KATNIP: variants seen among roughly 807,000 people sequenced by gnomAD.
KATNIP encodes the protein katanin interacting protein.
Under a neutral mutation model 174.0 loss-of-function variants are expected in KATNIP, and 126 were observed. The observed-to-expected ratio is 0.72, with a 90% CI of 0.63 to 0.84. The LOEUF (loss-of-function observed/expected upper bound fraction) is 0.84. Among genes scored for constraint, KATNIP ranks in the 40% least tolerant of loss-of-function variants. KATNIP has a pLI of 0.00. For synonymous variants in KATNIP, 810 were observed against 835.7 expected, an observed-to-expected ratio of 0.97 and a Z score of 0.53; for missense variants, 1,958 against 2,109.7, an observed-to-expected ratio of 0.93 and a Z score of 1.41.
At chr16:27,693,200 T>C (rs778251399) in intron 8 of KATNIP, among the ~76,000 whole-genome samples, 2 of 152,180 alleles carry the variant, frequency 1.3e-5, no homozygotes, top group Non-Finnish European at 2.9e-5. Context: ...ATGTTTGCTT[T>C]ACTTTCTCAT....
chr16:27,552,842 G>A (rs915032596), intron 1 of KATNIP, among the ~76,000 whole-genome samples: 5 of 152,050 alleles, frequency 3.3e-5, no homozygotes, highest in South Asian at 2.1e-4. Context: ...TTACAGGCAT[G>A]TGCCACCACG....
intron 2 of KATNIP, among the ~76,000 whole-genome samples, chr16:27,598,394 G>A (rs1056531211): frequency 2.6e-5 from 4 of 152,106 alleles, no homozygotes; most frequent in Non-Finnish European, 4.4e-5. Flanking sequence ...TTCTTCCCGG[G>A]CAGCTGGTTG....
chr16:27,769,428 G>A (rs1345595339), intron 20 of KATNIP, among the ~76,000 whole-genome samples: 1 of 152,214 alleles, frequency 6.6e-6, no homozygotes, highest in Non-Finnish European at 1.5e-5. Context: ...TCTGTTTAGG[G>A]CACTTTACGT....
chr16:27,698,907 T>C (rs1246656199), intron 9 of KATNIP, among the ~76,000 whole-genome samples: 1 of 152,188 alleles, frequency 6.6e-6, no homozygotes, highest in Non-Finnish European at 1.5e-5. Flanking sequence ...CTGCTCCCTA[T>C]TGTCCTGCCC....
intron 19 of KATNIP, among the ~76,000 whole-genome samples, chr16:27,762,461 T>C (rs538186322): frequency 6.6e-6 from 1 of 152,248 alleles, no homozygotes; most frequent in South Asian, 2.1e-4. Flanking sequence ...TATACCGATG[T>C]GGAGACTGAA....
chr16:27,769,815 A>G (rs775157160), intron 20 of KATNIP, 46 bp from the exon 21 acceptor site: 97 of 1,601,948 alleles, frequency 6.1e-5, no homozygotes, highest in Non-Finnish European at 7.9e-5. Flanking sequence ...TTCTGTCCCC[A>G]CATGGCCTGC....
At chr16:27,588,827 T>C (rs2091000535) in intron 2 of KATNIP, among the ~76,000 whole-genome samples, 1 of 151,932 alleles carries the variant, frequency 6.6e-6, no homozygotes, top group Non-Finnish European at 1.5e-5. Context: ...ACTGCTGTTA[T>C]ACATTGGATG....
At chr16:27,663,892 C>T (rs1460768187) in intron 6 of KATNIP, among the ~76,000 whole-genome samples, 1 of 151,984 alleles carries the variant, frequency 6.6e-6, no homozygotes, top group African/African-American at 2.4e-5. Context: ...GTCACTGCAG[C>T]CTCAATCTTC....
intron 2 of KATNIP, among the ~76,000 whole-genome samples, chr16:27,575,221 A>G (rs2157989): frequency 0.011 from 1,713 of 152,330 alleles, 44 homozygotes; most frequent in African/African-American, 0.038. Context: ...AGAAAAGGTG[A>G]TGTGCAGGCT....
intron 5 of KATNIP, among the ~76,000 whole-genome samples, chr16:27,634,178 C>T (rs2076569918): frequency 6.6e-6 from 1 of 152,188 alleles, no homozygotes; most frequent in Admixed American, 6.5e-5. Context: ...GCATCCTCCT[C>T]AGTCTCTCCT....
At chr16:27,663,441 T>G (rs368121107) in intron 6 of KATNIP, among the ~76,000 whole-genome samples, 11 of 151,714 alleles carry the variant, frequency 7.3e-5, no homozygotes, top group African/African-American at 2.4e-4. Flanking sequence ...TATTTGTTTA[T>G]TTATTTATTT....
At chr16:27,655,018 A>G (rs2077222736) in intron 6 of KATNIP, among the ~76,000 whole-genome samples, 1 of 151,468 alleles carries the variant, frequency 6.6e-6, no homozygotes, top group Admixed American at 6.6e-5. Context: ...AGTCCCAGGT[A>G]CTTGAGAAAC....
intron 4 of KATNIP, among the ~76,000 whole-genome samples, chr16:27,629,165 C>CAAA (rs1169255800): frequency 3.3e-4 from 21 of 63,988 alleles, no homozygotes; most frequent in African/African-American, 8.1e-4. Flanking sequence ...GAGACTCTGT[C>CAAA]AAAAAAAAAA....
intron 7 of KATNIP, chr16:27,681,062 G>A (rs1187063566): frequency 3.3e-6 from 1 of 299,034 alleles, no homozygotes. Flanking sequence ...TATCTCCTGG[G>A]CTCAAGCAGT....
At chr16:27,572,737 G>T (rs1415237859) in intron 1 of KATNIP, among the ~76,000 whole-genome samples, 1 of 152,180 alleles carries the variant, frequency 6.6e-6, no homozygotes, top group Non-Finnish European at 1.5e-5. Flanking sequence ...GGGCAGTTTA[G>T]GGTATCATTA....
intron 3 of KATNIP, among the ~76,000 whole-genome samples, chr16:27,624,485 GC>G (rs975035676): frequency 8.5e-5 from 13 of 152,140 alleles, no homozygotes; most frequent in African/African-American, 3.1e-4. Context: ...CATGTCTCCT[GC>G]CCCAACTTGA....
At chr16:27,567,328 C>T (rs543511703) in intron 1 of KATNIP, among the ~76,000 whole-genome samples, 26 of 152,242 alleles carry the variant, frequency 1.7e-4, no homozygotes, top group African/African-American at 6.3e-4. Flanking sequence ...CCAAATAGAT[C>T]ATTCAAAAAT....
At chr16:27,767,108 A>C (rs1017395793) in intron 20 of KATNIP, among the ~76,000 whole-genome samples, 1 of 152,040 alleles carries the variant, frequency 6.6e-6, no homozygotes, top group Non-Finnish European at 1.5e-5. Flanking sequence ...AGGTGACTGA[A>C]TGGGTGCCCT....
intron 1 of KATNIP, among the ~76,000 whole-genome samples, chr16:27,573,149 A>G (rs1343730278): frequency 6.6e-6 from 1 of 152,228 alleles, no homozygotes; most frequent in Non-Finnish European, 1.5e-5. Flanking sequence ...CATTTTCACA[A>G]ATAGCCACTG....
Sources: gnomAD v4.1 joint callset for allele counts (sites outside exome capture counted in the v4.1 genomes callset) on GRCh38, gnomAD v4.1.1 for gene constraint, MANE v1.5 for transcripts, NCBI Gene and HGNC (gene_info 2026-07-23, HGNC 2026-07-21) for gene names.